Variants in CSMD1 observed in about 807,000 individuals in gnomAD.
CSMD1 encodes CUB and Sushi multiple domains 1, also known as CUB and sushi domain-containing protein 1.
A neutral mutation model predicts 417.5 loss-of-function variants in CSMD1; 213 were observed. The ratio of observed to expected loss-of-function variants is 0.51; its 90% CI spans 0.46 to 0.57. The LOEUF is 0.57. Ranked by LOEUF, CSMD1 falls within the 20% of genes least tolerant of loss-of-function variation. The probability of loss-of-function intolerance (pLI) is 0.00; values close to 1 mark genes in which losing one functional copy is unlikely to be tolerated. For missense variants in CSMD1, 6,923 were observed against 4,529.7 expected (o/e 1.53, Z -15.17); for synonymous variants, 2,862 against 1,736.8 (o/e 1.65, Z -16.11).
chr8:4,473,879 G>C (rs1482422865), intron 2 of CSMD1, among the ~76,000 whole-genome samples: 1 of 152,144 alleles, frequency 6.6e-6, no homozygotes, highest in Non-Finnish European at 1.5e-5. Context: ...ATATATGAGA[G>C]AGGTAGCTTT....
intron 3 of CSMD1, among the ~76,000 whole-genome samples, chr8:4,182,645 G>C (rs1415548327): frequency 6.6e-6 from 1 of 152,034 alleles, no homozygotes; most frequent in Non-Finnish European, 1.5e-5. Flanking sequence ...TCATTTTCAG[G>C]AGTGACCCCT....
At chr8:3,468,611 TTTGAC>T in intron 12 of CSMD1, 96 bp downstream of exon 12, 1 of 652,946 alleles carries the variant, frequency 1.5e-6, no homozygotes, top group Non-Finnish European at 2.6e-6. Flanking sequence ...ATCAGCATTG[TTTGAC>T]TTGTTGATTT....
intron 2 of CSMD1, among the ~76,000 whole-genome samples, chr8:4,471,147 C>G (rs1161525799): frequency 6.6e-6 from 1 of 152,040 alleles, no homozygotes; most frequent in East Asian, 1.9e-4. Flanking sequence ...AGAACAGAAC[C>G]ATTATCACAT....
intron 3 of CSMD1, among the ~76,000 whole-genome samples, chr8:4,052,935 A>C (rs1287518075): frequency 1.3e-5 from 2 of 152,104 alleles, no homozygotes. Context: ...AGAAGTGGCT[A>C]ATGAGGGTCT....
intron 1 of CSMD1, among the ~76,000 whole-genome samples, chr8:4,801,626 G>C (rs1339859221): frequency 6.6e-6 from 1 of 152,046 alleles, no homozygotes; most frequent in Non-Finnish European, 1.5e-5. Context: ...ACACACTCTG[G>C]ATTCTGAAAC....
At chr8:4,224,242 AAAT>A (rs1237418909) in intron 3 of CSMD1, among the ~76,000 whole-genome samples, 1 of 152,172 alleles carries the variant, frequency 6.6e-6, no homozygotes, top group African/African-American at 2.4e-5. Context: ...CAGAAAAAAA[AAAT>A]AATTTGAAAA....
chr8:3,431,177 G>C (rs1814196609), intron 12 of CSMD1, among the ~76,000 whole-genome samples: 1 of 152,128 alleles, frequency 6.6e-6, no homozygotes, highest in Non-Finnish European at 1.5e-5. Flanking sequence ...ATGGAAGAGG[G>C]ATGATGGAGA....
At chr8:4,431,976 A>C (rs1443474068) in intron 2 of CSMD1, among the ~76,000 whole-genome samples, 1 of 152,212 alleles carries the variant, frequency 6.6e-6, no homozygotes, top group African/African-American at 2.4e-5. Context: ...GCAGTAACTT[A>C]CATTTATGCA....
At chr8:4,093,725 C>G (rs1040406916) in intron 3 of CSMD1, among the ~76,000 whole-genome samples, 7 of 152,026 alleles carry the variant, frequency 4.6e-5, no homozygotes, top group African/African-American at 1.4e-4. Flanking sequence ...CTTTGGGAGG[C>G]TGAGGTGGAA....
intron 2 of CSMD1, among the ~76,000 whole-genome samples, chr8:4,438,299 T>G (rs1461812228): frequency 6.6e-6 from 1 of 152,224 alleles, no homozygotes; most frequent in Non-Finnish European, 1.5e-5. Flanking sequence ...TGAATGCTCA[T>G]GGAGGTGGTG....
chr8:4,013,837 G>T lies in CSMD1; in HGVS notation c.611-15727C>A, dbSNP rs901721772. Among the ~76,000 whole-genome samples the T allele has an allele frequency of 4.0e-4, 61 of 152,228 alleles. 1 individual carries two copies. Among genetic ancestry groups the T allele is most frequent in the African/African-American group, 1.4e-3 (58 of 41,522 alleles). Reference sequence around the variant, plus strand: ...TTAGGTGGTGTCTATGGGGTCTTTTGATCTACAGTGACAGACAAGGGTAGC... The same window carrying T: ...TTAGGTGGTGTCTATGGGGTCTTTTTATCTACAGTGACAGACAAGGGTAGC... On this transcript the variant is annotated intron_variant, in intron 4 of 69. Coordinates refer to ENST00000635120, the MANE Select transcript of CSMD1 (RefSeq NM_033225.6).
At position 2,937,046 on chromosome 8, in the gene CSMD1, A is replaced by G. The variant is rs1316503501; in HGVS notation, c.*1539T>C. The stretch of plus-strand genomic sequence containing the variant: ...ATCGTTTCAAAAATATTTTTATCAA[A>G]TAAGTATAAGTAAAAGTAAACATGA... On this transcript the variant is annotated 3_prime_UTR_variant, in exon 70 of 70. Transcript: ENST00000635120. The G allele has an allele frequency of 6.6e-6, 1 of 151,978 alleles. No individual in the cohort carries two copies. Among genetic ancestry groups the G allele is most frequent in the Non-Finnish European group, 1.5e-5 (1 of 68,038 alleles). The allele number at this position is 151,978 out of a possible 1,614,324, so 9.4% of individuals were successfully genotyped here.
intron 22 of CSMD1, among the ~76,000 whole-genome samples, chr8:3,345,635 G>C (rs1048625713): frequency 6.6e-6 from 1 of 152,120 alleles, no homozygotes; most frequent in Non-Finnish European, 1.5e-5. Context: ...GTTCTTTTCA[G>C]TTATTAGAGA....
chr8:3,047,211 C>G (rs1246227863), intron 50 of CSMD1, among the ~76,000 whole-genome samples: 1 of 87,844 alleles, frequency 1.1e-5, no homozygotes, highest in Non-Finnish European at 2.2e-5. Flanking sequence ...AAGACTCCCT[C>G]TCAAAAAAAA....
rs189629890 is a variant in CSMD1, at chr8:3,029,933, G to C, written c.7661-420C>G. The stretch of plus-strand genomic sequence containing the variant: ...AAACCAGCTGGGACACTAATTTTCA[G>C]AAACTCAGATGCCCTCATTTCTTCA... On this transcript the variant is annotated intron_variant, in intron 50 of 69. Coordinates refer to ENST00000635120, the MANE Select transcript of CSMD1 (RefSeq NM_033225.6). Among the ~76,000 whole-genome samples the C allele has an allele frequency of 5.9e-5, 9 of 152,152 alleles. No homozygotes were observed. The East Asian group carries it at 1.7e-3, about 29-fold the overall frequency.
intron 41 of CSMD1, 82 bp downstream of exon 41, chr8:3,142,383 T>G: frequency 8.3e-7 from 1 of 1,210,050 alleles, no homozygotes; most frequent in Non-Finnish European, 1.2e-6. Flanking sequence ...TGGAACCAGT[T>G]AGGGAGATTT....
intron 2 of CSMD1, among the ~76,000 whole-genome samples, chr8:4,436,109 A>C (rs1798135339): frequency 1.3e-5 from 2 of 152,198 alleles, no homozygotes; most frequent in African/African-American, 2.4e-5. Flanking sequence ...AACTGAGCTA[A>C]ATATATTCTT....
chr8:3,801,823 G>C (rs751441082), intron 5 of CSMD1, among the ~76,000 whole-genome samples: 3 of 152,082 alleles, frequency 2.0e-5, no homozygotes, highest in Non-Finnish European at 4.4e-5. Context: ...AGGTATGTTG[G>C]AATACTGAGG....
intron 6 of CSMD1, among the ~76,000 whole-genome samples, chr8:3,726,767 A>C (rs564496724): frequency 3.0e-4 from 45 of 152,272 alleles, no homozygotes; most frequent in Admixed American, 7.8e-4. Context: ...CCTGAGCCTT[A>C]TTCTTAGCAT....
Sources: gnomAD v4.1 joint callset for allele counts (sites outside exome capture counted in the v4.1 genomes callset) on GRCh38, gnomAD v4.1.1 for gene constraint, MANE v1.5 for transcripts, NCBI Gene and HGNC (gene_info 2026-07-23, HGNC 2026-07-21) for gene names.